Variants in KCTD19 observed in about 807,000 individuals in gnomAD.
KCTD19 encodes the protein potassium channel tetramerization domain containing 19, also known as BTB/POZ domain-containing protein KCTD19.
KCTD19 carries 67 observed loss-of-function variants against 103.5 expected under a neutral mutation model. The ratio of observed to expected loss-of-function variants is 0.65; its 90% CI spans 0.53 to 0.79. KCTD19 has a LOEUF of 0.79. Ranked by LOEUF, KCTD19 falls within the 30% of genes least tolerant of loss-of-function variation. The pLI is 0.00. For missense variants in KCTD19, 980 were observed against 1,136.1 expected (o/e 0.86, Z 1.98); for synonymous variants, 439 against 452.2 (o/e 0.97, Z 0.37).
intron 2 of KCTD19, 72 bp from the exon 3 acceptor site, chr16:67,304,643 T>A: frequency 7.3e-7 from 1 of 1,365,550 alleles, no homozygotes; most frequent in Non-Finnish European, 1.0e-6. Flanking sequence ...AGTGTGAAGA[T>A]CAGGAAAAAC....
chr16:67,315,865 C>T (rs912085743), intron 2 of KCTD19, among the ~76,000 whole-genome samples: 2 of 152,074 alleles, frequency 1.3e-5, no homozygotes, highest in Non-Finnish European at 2.9e-5. Flanking sequence ...CCACCCACCT[C>T]GGACTCCCAA....
At chr16:67,292,361 C>A (rs2036709479) in intron 12 of KCTD19, among the ~76,000 whole-genome samples, 1 of 152,194 alleles carries the variant, frequency 6.6e-6, no homozygotes, top group Non-Finnish European at 1.5e-5. Context: ...CTGGCCACTC[C>A]TCTCTTCATT....
intron 2 of KCTD19, among the ~76,000 whole-genome samples, chr16:67,306,920 C>T (rs1205725659): frequency 1.3e-5 from 2 of 152,166 alleles, no homozygotes; most frequent in African/African-American, 2.4e-5. Context: ...GGTATCATCA[C>T]TCCCTTTGAG....
At chr16:67,308,758 C>A (rs1327683614) in intron 2 of KCTD19, among the ~76,000 whole-genome samples, 1 of 152,130 alleles carries the variant, frequency 6.6e-6, no homozygotes, top group African/African-American at 2.4e-5. Context: ...CCCCCTATAC[C>A]AAGCTTCCTG....
chr16:67,311,580 C>T (rs1479470421), intron 2 of KCTD19, among the ~76,000 whole-genome samples: 2 of 151,944 alleles, frequency 1.3e-5, no homozygotes, highest in Non-Finnish European at 2.9e-5. Flanking sequence ...GGATTACAGG[C>T]GCGAGCCACC....
rs1292535077 is a variant in KCTD19 at position 67,293,578 on chromosome 16, C to A, written c.2184G>T (p.Leu728=). ...PYLPPKRAGT[L]KDWSKQRTKE... is the part of the protein sequence containing the mutation. ...TGGTCCTCTGCTTGCTCCAGTCCTT[C>A]AGGGTGCCAGCTCTTTTTGGGGGTA... Residue 728 remains leucine, a synonymous_variant, in exon 12 of 16, where the codon CTG becomes CTT. Transcript: ENST00000304372. The surrounding 1 kb of genome is among the most constrained non-coding windows in gnomAD (Gnocchi z 4.0). 2 of 1,614,108 alleles carry A rather than the reference C, an allele frequency of 1.2e-6. No homozygotes were observed. The highest frequency in any genetic ancestry group is 2.2e-5 in the South Asian group (2 of 91,082).
intron 12 of KCTD19, among the ~76,000 whole-genome samples, chr16:67,292,649 C>T (rs777122304): frequency 2.0e-5 from 3 of 152,144 alleles, no homozygotes; most frequent in Non-Finnish European, 4.4e-5. Flanking sequence ...GACAATACTG[C>T]AGGCAGGGCT....
At chr16:67,326,671 G>C in intron 1 of KCTD19, 34 bp downstream of exon 1, 2 of 1,577,654 alleles carry the variant, frequency 1.3e-6, no homozygotes, top group Middle Eastern at 1.7e-4. Context: ...CCGCTTTGGT[G>C]CTTTTGGCGC....
At position 67,294,750 on chromosome 16, in the gene KCTD19, C is replaced by G. The variant is rs139855834; in HGVS notation, c.1476-56G>C. Reference sequence around the variant, plus strand: ...GTAGAGACTTCCATCAGGCCATTGGCCAGTTGGTCAGATCTGCTCTTTGGC... The same window carrying G: ...GTAGAGACTTCCATCAGGCCATTGGGCAGTTGGTCAGATCTGCTCTTTGGC... On this transcript the variant is annotated intron_variant, in intron 10 of 15. Transcript: ENST00000304372. 1.4e-4 allele frequency: 185 copies of G among 1,283,106 alleles called. 3 individuals are homozygous for G. The African/African-American group carries it at 2.1e-3, about 15-fold the overall frequency. 79.5% of individuals were successfully genotyped at this position (1,283,106 alleles called of 1,614,324 possible).
rs575807450 is a variant in KCTD19 at position 67,324,224 on chromosome 16, G to A, written c.3+2481C>T. On this transcript the variant is annotated intron_variant, in intron 1 of 15. Transcript: ENST00000304372. ...TCAAGATGACCTAGTTTATCAATAC[G>A]ATGGAAAAGTAGAGAGCCATCAAAC... Among the ~76,000 whole-genome samples, 4 of 152,188 alleles carry A rather than the reference G, an allele frequency of 2.6e-5. No homozygotes were observed. The South Asian group carries it at 8.3e-4, about 32-fold the overall frequency.
chr16:67,299,404 T>A lies in KCTD19; in HGVS notation c.945A>T (p.Arg315=). 2 of 1,614,240 alleles carry A rather than the reference T, an allele frequency of 1.2e-6. No individual in the cohort carries two copies. Among genetic ancestry groups the A allele is most frequent in the Non-Finnish European group, 1.7e-6 (2 of 1,180,038 alleles). The change falls in exon 6 of 16, where the codon CGA becomes CGT. Residue 315 remains arginine, a synonymous_variant. Coordinates refer to ENST00000304372, the MANE Select transcript of KCTD19 (RefSeq NM_001100915.3). ...LRIESTLDGS[R]LYITGNGVLF... ...GGACGCCATTCCCTGTGATGTACAG[T>A]CGGCTTCCGTCTAGCGTGCTCTCGA...
intron 2 of KCTD19, 100 bp from the exon 3 acceptor site, chr16:67,304,671 T>A: frequency 3.6e-6 from 4 of 1,100,844 alleles, no homozygotes; most frequent in Non-Finnish European, 5.3e-6. Flanking sequence ...GACTTACTTT[T>A]TTTTTTTTTT....
At chr16:67,317,111 C>G (rs1388488744) in intron 2 of KCTD19, among the ~76,000 whole-genome samples, 1 of 152,132 alleles carries the variant, frequency 6.6e-6, no homozygotes, top group Non-Finnish European at 1.5e-5. Context: ...GGAGTACTAA[C>G]AGTTTAGAGC....
At position 67,294,967 on chromosome 16, in the gene KCTD19, TCTTA is replaced by T. The variant is rs770236578; in HGVS notation, c.1475+2_1475+5del. 956 of 1,606,428 alleles carry T rather than the reference TCTTA, an allele frequency of 6.0e-4. 4 individuals carry two copies. The highest frequency in any genetic ancestry group is 6.0e-4 in the Non-Finnish European group (698 of 1,173,010). ...TAAACATAGAGTCGTGATAAAGTTT[TCTTA>T]CTTGTATGCTTCACATTGTGCAAGG... On this transcript the variant is annotated splice_donor_variant and splice_donor_5th_base_variant and intron_variant, in intron 10 of 15. Transcript: ENST00000304372. LOFTEE classifies it high-confidence loss of function.
chr16:67,306,637 T>C (rs2036896704), intron 2 of KCTD19, among the ~76,000 whole-genome samples: 1 of 152,152 alleles, frequency 6.6e-6, no homozygotes. Flanking sequence ...ACAGTGATCT[T>C]GCAAACATAT....
At chr16:67,302,893 T>C in intron 4 of KCTD19, 1 of 495,018 alleles carries the variant, frequency 2.0e-6, no homozygotes, top group Non-Finnish European at 3.6e-6. Flanking sequence ...CCCTAGCACT[T>C]TCCAGTGCCT....
rs2036694060 is a variant in KCTD19, at chr16:67,291,476, G to C, written c.2411-13C>G. 5 of 1,612,022 alleles carry C rather than the reference G, an allele frequency of 3.1e-6. No individual in the cohort carries two copies. Among genetic ancestry groups the C allele is most frequent in the Non-Finnish European group, 4.2e-6 (5 of 1,178,896 alleles). On this transcript the variant is annotated splice_polypyrimidine_tract_variant and intron_variant, in intron 13 of 15. Transcript: ENST00000304372. ...AGGAAAGTCACTTCTGTGGAGGAGG[G>C]AAAGTGGATGTGGCCACATCTGTCA...
chr16:67,316,068 G>A (rs376997955), intron 2 of KCTD19, among the ~76,000 whole-genome samples: 3 of 152,102 alleles, frequency 2.0e-5, no homozygotes, highest in African/African-American at 7.2e-5. Context: ...TATTGACAAG[G>A]TCTAGCTCTG....
intron 2 of KCTD19, among the ~76,000 whole-genome samples, chr16:67,312,789 CAG>C (rs1435637693): frequency 3.9e-5 from 6 of 152,198 alleles, no homozygotes; most frequent in Non-Finnish European, 8.8e-5. Context: ...AAGACATATT[CAG>C]AGTTTGAACA....
Sources: allele counts gnomAD v4.1 joint callset (sites outside exome capture counted in the v4.1 genomes callset), GRCh38; gene constraint gnomAD v4.1.1; non-coding constraint Gnocchi (gnomAD v3.1); transcripts MANE v1.5; gene names NCBI Gene and HGNC (gene_info 2026-07-23, HGNC 2026-07-21).